The following HTT variants were observed in gnomAD, a reference collection of about 807,000 sequenced individuals.
HTT encodes huntingtin, also known as huntington disease protein.
A neutral mutation model predicts 362.3 loss-of-function variants in HTT; 104 were observed. The observed-to-expected ratio is 0.29, with a 90% CI of 0.24 to 0.34. The LOEUF (loss-of-function observed/expected upper bound fraction) is 0.34. Among genes scored for constraint, HTT ranks in the 10% least tolerant of loss-of-function variants. The pLI is 1.00. For synonymous variants in HTT, 1,577 were observed against 1,548.7 expected (o/e 1.02, Z -0.43); for missense variants, 3,301 against 3,928.6 (o/e 0.84, Z 4.27).
rs756338378 is a variant in HTT, at chr4:3,132,863, G to A, written c.2445G>A (p.Leu815=). ...GCATTCCTTTGCTGCGGAAAACACT[G>A]AAGGATGAGTCTTCTGTTACTTGCA... ...ADCIPLLRKT[L]KDESSVTCKL... The change falls in exon 18 of 67, where the codon CTG becomes CTA. Residue 815 remains leucine (L), a synonymous_variant. Coordinates refer to ENST00000355072, the MANE Select transcript of HTT (RefSeq NM_001388492.1). 78 of 1,614,046 alleles carry A rather than the reference G, an allele frequency of 4.8e-5. No homozygotes were observed. The highest frequency in any genetic ancestry group is 6.4e-5 in the Non-Finnish European group (75 of 1,179,986).
chr4:3,132,789 G>T (rs778996810), intron 17 of HTT, 25 bp from the exon 18 acceptor site: 10 of 1,612,636 alleles, frequency 6.2e-6, no homozygotes, highest in Non-Finnish European at 8.5e-6. Context: ...AGATGATGAT[G>T]TTTGTTGCTT....
intron 21 of HTT, among the ~76,000 whole-genome samples, chr4:3,137,857 A>G (rs1560564587): frequency 6.6e-6 from 1 of 152,208 alleles, no homozygotes; most frequent in Non-Finnish European, 1.5e-5. Flanking sequence ...GTATTCTATT[A>G]TATGAATAAT....
chr4:3,161,622 C>T (rs1488676438), intron 29 of HTT, among the ~76,000 whole-genome samples: 8 of 152,158 alleles, frequency 5.3e-5, no homozygotes, highest in Non-Finnish European at 1.2e-4. Flanking sequence ...TCCTAACTGG[C>T]GTGAGATGGT....
chr4:3,099,464 T>C (rs1714034883), intron 3 of HTT, 70 bp downstream of exon 3: 2 of 1,596,828 alleles, frequency 1.3e-6, no homozygotes, highest in Non-Finnish European at 8.5e-7. Flanking sequence ...AAGCGATCAT[T>C]GAGTGTTCTT....
chr4:3,174,606 A>G (rs1718145900), intron 31 of HTT, 115 bp from the exon 32 acceptor site: 14 of 763,528 alleles, frequency 1.8e-5, no homozygotes, highest in Non-Finnish European at 2.2e-5. Flanking sequence ...TCTCAATCTG[A>G]CACGTTCTGA....
At chr4:3,188,633 G>A (rs1285753843) in intron 39 of HTT, 2 of 210,094 alleles carry the variant, frequency 9.5e-6, no homozygotes, top group South Asian at 8.0e-5. Context: ...TCCCTGTGTC[G>A]CATTGAAGCA....
At chr4:3,167,682 TTAA>T (rs1279391162) in intron 29 of HTT, among the ~76,000 whole-genome samples, 3 of 152,230 alleles carry the variant, frequency 2.0e-5, no homozygotes, top group Non-Finnish European at 2.9e-5. Context: ...AAGTAAATTA[TTAA>T]TAAGTCACAA....
At chr4:3,126,859 A>G (rs571731079) in intron 11 of HTT, among the ~76,000 whole-genome samples, 5 of 152,262 alleles carry the variant, frequency 3.3e-5, no homozygotes, top group Non-Finnish European at 7.4e-5. Context: ...AGATGAGTTG[A>G]CAGTTGTTTC....
rs759529263 is a variant in HTT at position 3,116,111 on chromosome 4, C to T, written c.916C>T (p.His306Tyr). 1.9e-6 allele frequency: 3 copies of T among 1,612,640 alleles called. No homozygotes were observed. Among genetic ancestry groups the T allele is most frequent in the South Asian group, 1.1e-5 (1 of 91,040 alleles). ...CTTACTCGTTCCTGTCGAGGATGAACACTCCACTCTGCTGATTCTTGGCGT... is the reference window on the plus strand; with the variant it reads ...CTTACTCGTTCCTGTCGAGGATGAATACTCCACTCTGCTGATTCTTGGCGT... ...LGLLVPVEDE[H>Y]STLLILGVLL... The change falls in exon 8 of 67, where the codon CAC becomes TAC. Residue 306 changes from histidine to tyrosine, a missense_variant. His to Tyr is a moderately conservative substitution (Grantham distance 83, BLOSUM62 2). Coordinates refer to ENST00000355072, the MANE Select transcript of HTT (RefSeq NM_001388492.1).
chr4:3,158,644 G>GT (rs11298141), intron 28 of HTT, among the ~76,000 whole-genome samples: 9 of 151,500 alleles, frequency 5.9e-5, no homozygotes, highest in Non-Finnish European at 1.0e-4. Flanking sequence ...CTTCTTATGG[G>GT]TTTTTTTTCC....
chr4:3,161,258 T>C (rs1278654378), intron 29 of HTT, among the ~76,000 whole-genome samples: 3 of 152,256 alleles, frequency 2.0e-5, no homozygotes, highest in Non-Finnish European at 4.4e-5. Flanking sequence ...AACTCATCCT[T>C]TTTTATGGCT....
At chr4:3,173,535 C>G (rs915335461) in intron 31 of HTT, among the ~76,000 whole-genome samples, 14 of 152,156 alleles carry the variant, frequency 9.2e-5, no homozygotes, top group African/African-American at 3.4e-4. Flanking sequence ...AGGCCTGTAA[C>G]AAGGATGAAA....
chr4:3,099,614 A>G (rs1369865090), intron 3 of HTT, among the ~76,000 whole-genome samples: 4 of 64,714 alleles, frequency 6.2e-5, no homozygotes, highest in South Asian at 3.8e-4. Context: ...GCTCTGTTGT[A>G]TGGTTTGGAG....
intron 1 of HTT, among the ~76,000 whole-genome samples, chr4:3,076,627 C>T (rs1712568365): frequency 1.3e-5 from 2 of 152,206 alleles, no homozygotes; most frequent in African/African-American, 4.8e-5. Flanking sequence ...AGGTAGGTGT[C>T]ATAAAAGTTC....
rs1196905887 is a variant in HTT, at chr4:3,199,740, C to T, written c.5377C>T (p.Arg1793Trp). 5.0e-6 allele frequency: 8 copies of T among 1,613,628 alleles called. No homozygotes were observed. The highest frequency in any genetic ancestry group is 1.7e-5 in the Admixed American group (1 of 60,000). ...LIHIFKSGMF[R>W]RITAAATRLF... ...CTTAACTTTGTTTCTAGGAATGTTC[C>T]GGAGAATCACAGCAGCTGCCACTAG... Residue 1793 changes from arginine to tryptophan, a missense_variant, in exon 41 of 67, where the codon CGG becomes TGG. By Grantham distance (101) the Arg-to-Trp change is moderately radical. Coordinates refer to ENST00000355072, the MANE Select transcript of HTT (RefSeq NM_001388492.1).
At chr4:3,195,552 C>T (rs1431400738) in intron 40 of HTT, among the ~76,000 whole-genome samples, 1 of 152,102 alleles carries the variant, frequency 6.6e-6, no homozygotes, top group Non-Finnish European at 1.5e-5. Flanking sequence ...GACTGCTGCT[C>T]ATCACTACTC....
At position 3,129,967 on chromosome 4, in the gene HTT, G is replaced by T; in HGVS notation, c.1787G>T (p.Gly596Val). 6.2e-7 allele frequency: 1 copy of T among 1,614,040 alleles called. No individual in the cohort carries two copies. The highest frequency in any genetic ancestry group is 8.5e-7 in the Non-Finnish European group (1 of 1,179,920). Residue 596 changes from glycine to valine, a missense_variant, in exon 13 of 67, where the codon GGA becomes GTA. Physicochemically the swap from Gly to Val is moderately radical, Grantham distance 109. Transcript: ENST00000355072. ...TDNQYLGLQI[G>V]QPQDEDEEAT... Reference sequence around the variant, plus strand: ...AACCAGTATTTGGGCCTGCAGATTGGACAGCCCCAGGATGAAGATGAGGAA... The same window carrying T: ...AACCAGTATTTGGGCCTGCAGATTGTACAGCCCCAGGATGAAGATGAGGAA...
intron 49 of HTT, 200 bp downstream of exon 49, chr4:3,212,909 G>T (rs550456350): frequency 3.4e-6 from 2 of 584,022 alleles, no homozygotes; most frequent in Non-Finnish European, 6.0e-6. Flanking sequence ...CCTCATGGTG[G>T]CCTGTGAGGT....
chr4:3,133,221 C>T (rs1715904369), intron 18 of HTT, among the ~76,000 whole-genome samples: 1 of 151,734 alleles, frequency 6.6e-6, no homozygotes, highest in African/African-American at 2.4e-5. Flanking sequence ...CGGTGACTCA[C>T]ACCTGTAATC....
Sources: gnomAD v4.1 joint callset for allele counts (sites outside exome capture counted in the v4.1 genomes callset) on GRCh38, gnomAD v4.1.1 for gene constraint, MANE v1.5 for transcripts, NCBI Gene and HGNC (gene_info 2026-07-23, HGNC 2026-07-21) for gene names.